ADCY9: variants seen among roughly 807,000 people sequenced by gnomAD.
ADCY9 encodes the protein adenylate cyclase type 9.
Under a neutral mutation model 101.5 loss-of-function variants are expected in ADCY9, and 50 were observed. That is an observed-to-expected ratio of 0.49 (90% CI 0.39 to 0.62). ADCY9 has a LOEUF of 0.62. Ranked by LOEUF, ADCY9 falls within the 20% of genes least tolerant of loss-of-function variation. ADCY9 has a pLI of 0.00. For missense variants in ADCY9, 1,662 were observed against 1,800.4 expected, an observed-to-expected ratio of 0.92 and a Z score of 1.39; for synonymous variants, 905 against 769.3, an observed-to-expected ratio of 1.18 and a Z score of -2.92.
At chr16:4,091,872 G>C (rs1046368501) in intron 2 of ADCY9, among the ~76,000 whole-genome samples, 1 of 152,186 alleles carries the variant, frequency 6.6e-6, no homozygotes, top group Non-Finnish European at 1.5e-5. Context: ...AAAACGCTTC[G>C]GAATTAGACC....
intron 2 of ADCY9, among the ~76,000 whole-genome samples, chr16:4,052,099 G>A (rs560534975): frequency 6.6e-6 from 1 of 152,140 alleles, no homozygotes; most frequent in Non-Finnish European, 1.5e-5. Flanking sequence ...CTCCTGCCAG[G>A]AACCTACCAC....
intron 2 of ADCY9, among the ~76,000 whole-genome samples, chr16:4,061,536 C>T (rs865964071): frequency 2.0e-5 from 3 of 152,188 alleles, no homozygotes; most frequent in Middle Eastern, 3.4e-3. Context: ...TAGAAATTAA[C>T]AGAGACCAGA....
rs538082934 is a variant in ADCY9 at position 4,099,082 on chromosome 16, G to A, written c.1693+14668C>T. On this transcript the variant is annotated intron_variant, in intron 2 of 10. Transcript: ENST00000294016. ...CGAGTAGCTGGGATTACAGGTGTGC[G>A]CCACGACACCCGGCTAATTTTTGTA... Among the ~76,000 whole-genome samples the A allele has an allele frequency of 3.0e-4, 45 of 152,060 alleles. No homozygotes were observed. The South Asian group carries it at 8.7e-3, about 30-fold the overall frequency.
chr16:4,077,808 T>G (rs2056877165), intron 2 of ADCY9, among the ~76,000 whole-genome samples: 2 of 152,160 alleles, frequency 1.3e-5, no homozygotes, highest in Admixed American at 6.5e-5. Context: ...GAGACCAGCC[T>G]GGCCAGCATG....
At chr16:4,023,893 G>A (rs2056495555) in intron 2 of ADCY9, among the ~76,000 whole-genome samples, 1 of 152,086 alleles carries the variant, frequency 6.6e-6, no homozygotes, top group Admixed American at 6.6e-5. Context: ...CTGGGGGACG[G>A]TAGGAGACTC....
chr16:4,092,807 C>T (rs936977151), intron 2 of ADCY9, among the ~76,000 whole-genome samples: 2 of 152,218 alleles, frequency 1.3e-5, no homozygotes, highest in East Asian at 1.9e-4. Flanking sequence ...TATCTGCAGG[C>T]TGAACGAGCT....
chr16:4,047,654 C>T (rs1023905269), intron 2 of ADCY9, among the ~76,000 whole-genome samples: 2 of 151,916 alleles, frequency 1.3e-5, no homozygotes, highest in African/African-American at 4.8e-5. Flanking sequence ...CCAATCAGGT[C>T]CTTTGGTTGA....
At chr16:4,016,360 A>T (rs1001861387) in intron 2 of ADCY9, among the ~76,000 whole-genome samples, 1 of 152,210 alleles carries the variant, frequency 6.6e-6, no homozygotes, top group African/African-American at 2.4e-5. Context: ...ACTGAAACAG[A>T]CCACCAGCTG....
intron 3 of ADCY9, among the ~76,000 whole-genome samples, chr16:3,993,975 G>T (rs771728939): frequency 6.6e-6 from 1 of 152,154 alleles, no homozygotes; most frequent in Non-Finnish European, 1.5e-5. Flanking sequence ...TGCCAGGCGG[G>T]ACCGGGGGCA....
intron 5 of ADCY9, among the ~76,000 whole-genome samples, chr16:3,954,012 C>T (rs2055894666): frequency 6.6e-6 from 1 of 152,198 alleles, no homozygotes; most frequent in Non-Finnish European, 1.5e-5. Context: ...CCTAAAATGC[C>T]TACAAAGCGT....
chr16:3,956,617 A>G (rs572877881), intron 5 of ADCY9, among the ~76,000 whole-genome samples: 1 of 150,602 alleles, frequency 6.6e-6, no homozygotes, highest in African/African-American at 2.4e-5. Context: ...CAGCCTCCCA[A>G]GTAGCTGGGA....
At position 3,963,280 on chromosome 16, in the gene ADCY9, G is replaced by T; in HGVS notation, c.*2495C>A. The stretch of plus-strand genomic sequence containing the variant: ...AAGAGGTATTGCCACCCTGAAGCAC[G>T]ACCCATGCCGTCAGCAGCCCTCGTG... On this transcript the variant is annotated 3_prime_UTR_variant, in exon 11 of 11. Transcript: ENST00000294016. 2.5e-6 allele frequency: 1 copy of T among 398,520 alleles called. No individual in the cohort carries two copies. The highest frequency in any genetic ancestry group is 1.3e-4 in the South Asian group (1 of 7,722). The allele number at this position is 398,520 out of a possible 1,614,324, so 24.7% of individuals were successfully genotyped here.
chr16:4,027,948 G>C (rs1003899947), intron 2 of ADCY9, among the ~76,000 whole-genome samples: 4 of 151,900 alleles, frequency 2.6e-5, no homozygotes, highest in Non-Finnish European at 5.9e-5. Context: ...AACAGCATGG[G>C]AATGACCTGC....
chr16:3,988,773 C>T (rs537580247), intron 6 of ADCY9, among the ~76,000 whole-genome samples: 34 of 152,270 alleles, frequency 2.2e-4, no homozygotes, highest in South Asian at 1.9e-3. Context: ...CTAGTAATGG[C>T]GAGGCTGCGC....
intron 2 of ADCY9, among the ~76,000 whole-genome samples, chr16:4,071,366 C>CAAAAAAAAAAAAAAAAAAAAA (rs1004438307): frequency 4.5e-5 from 4 of 89,264 alleles, no homozygotes; most frequent in Admixed American, 1.2e-4. Flanking sequence ...AAAAAAAAAT[C>CAAAAAAAAAAAAAAAAAAAAA]AAAAAAGTTG....
intron 2 of ADCY9, among the ~76,000 whole-genome samples, chr16:4,098,052 T>A (rs1434619279): frequency 6.6e-6 from 1 of 152,044 alleles, no homozygotes; most frequent in Non-Finnish European, 1.5e-5. Flanking sequence ...AGAGAGTGGC[T>A]GGCCCATAGC....
Position 3,966,150 on chromosome 16 carries a change from C to G in ADCY9, c.3687G>C (p.Val1229=). The change falls in exon 11 of 11, where the codon GTG becomes GTC. Residue 1229 remains valine, a synonymous_variant. Transcript: ENST00000294016. ...MGYDFDYRGT[V]NVKGKGQMKT... ...TCATCTGGCCTTTCCCCTTGACATT[C>G]ACGGTCCCTCTGTAGTCGAAGTCAT... The G allele has an allele frequency of 6.2e-7, 1 of 1,614,224 alleles. No individual in the cohort carries two copies. The highest frequency in any genetic ancestry group is 8.5e-7 in the Non-Finnish European group (1 of 1,180,034).
chr16:3,998,208 T>C (rs2056302707), intron 3 of ADCY9, among the ~76,000 whole-genome samples: 1 of 152,190 alleles, frequency 6.6e-6, no homozygotes, highest in African/African-American at 2.4e-5. Context: ...GAGATCAACC[T>C]GGGCAATGTA....
chr16:3,974,553 A>AT lies in ADCY9; in HGVS notation c.2870+115dup, dbSNP rs2056078268. On this transcript the variant is annotated intron_variant, in intron 10 of 10. Transcript: ENST00000294016. ...ATATTTTCCACTTTCTATTCTAAGA[A>AT]TGCACGTATTGTTCCTTTTATTCAA... The AT allele has an allele frequency of 5.2e-6, 4 of 770,570 alleles. No homozygotes were observed. The East Asian group carries it at 1.0e-4, about 20-fold the overall frequency. The allele number at this position is 770,570 out of a possible 1,614,324, so 47.7% of individuals were successfully genotyped here.
Sources: allele counts gnomAD v4.1 joint callset (sites outside exome capture counted in the v4.1 genomes callset), GRCh38; gene constraint gnomAD v4.1.1; transcripts MANE v1.5; gene names NCBI Gene and HGNC (gene_info 2026-07-23, HGNC 2026-07-21).